CAST: variants seen among roughly 807,000 people sequenced by gnomAD.
CAST encodes the protein MIR583 host.
CAST carries 76 observed loss-of-function variants against 119.6 expected under a neutral mutation model. The ratio of observed to expected loss-of-function variants is 0.64; its 90% confidence interval spans 0.53 to 0.77. CAST has a LOEUF of 0.77. Among genes scored for constraint, CAST ranks in the 30% least tolerant of loss-of-function variants. The pLI, the probability that CAST is intolerant of heterozygous loss-of-function variation, is 0.00. For synonymous variants in CAST, 319 were observed against 331.6 expected (o/e 0.96, Z 0.41); for missense variants, 953 against 946.5 (o/e 1.01, Z -0.09).
the CAST span, among the ~76,000 whole-genome samples, chr5:96,368,343 T>C: frequency 6.6e-6 from 1 of 151,762 alleles, no homozygotes; most frequent in African/African-American, 2.4e-5. Flanking sequence ...CTACTAAAAA[T>C]ACAAAAATTA....
the CAST span, among the ~76,000 whole-genome samples, chr5:96,114,197 G>C: frequency 6.6e-6 from 1 of 152,224 alleles, no homozygotes; most frequent in Non-Finnish European, 1.5e-5. Flanking sequence ...AGACAAACAA[G>C]AGCAGGAGAG....
the CAST span, among the ~76,000 whole-genome samples, chr5:96,102,343 C>T: frequency 3.9e-5 from 6 of 152,042 alleles, no homozygotes; most frequent in South Asian, 6.2e-4. Flanking sequence ...GGCTCTTCTC[C>T]GAAGTTAAGC....
At chr5:96,501,740 C>T in the CAST span, among the ~76,000 whole-genome samples, 1 of 152,174 alleles carries the variant, frequency 6.6e-6, no homozygotes, top group East Asian at 1.9e-4. Context: ...TAAAACACTT[C>T]TTTTGGTATA....
the CAST span, among the ~76,000 whole-genome samples, chr5:96,167,014 G>A: frequency 6.6e-6 from 1 of 152,204 alleles, no homozygotes; most frequent in East Asian, 1.9e-4. Context: ...GCGATATTGT[G>A]GGGTTGTTGG....
chr5:96,725,416 T>C (rs1759074437), intron 4 of CAST, among the ~76,000 whole-genome samples: 1 of 152,218 alleles, frequency 6.6e-6, no homozygotes, highest in Non-Finnish European at 1.5e-5. Flanking sequence ...TGCAGTGCGA[T>C]GACTAGAACA....
chr5:96,144,421 C>T, the CAST span, among the ~76,000 whole-genome samples: 12 of 152,240 alleles, frequency 7.9e-5, no homozygotes. Context: ...CTTCCCAGAC[C>T]TGACTTGCTT....
At chr5:96,701,680 C>T (rs1753907475) in intron 3 of CAST, among the ~76,000 whole-genome samples, 1 of 151,812 alleles carries the variant, frequency 6.6e-6, no homozygotes, top group Non-Finnish European at 1.5e-5. Context: ...TGGTGCATGC[C>T]TGTAATCGCA....
the CAST span, among the ~76,000 whole-genome samples, chr5:96,104,242 C>G: frequency 7.9e-5 from 12 of 152,176 alleles, no homozygotes; most frequent in South Asian, 2.1e-4. Context: ...AGTTTAATTA[C>G]ATCCCATTTG....
chr5:96,027,250 A>G, the CAST span, among the ~76,000 whole-genome samples: 1 of 152,050 alleles, frequency 6.6e-6, no homozygotes, highest in Non-Finnish European at 1.5e-5. Context: ...TGTGGTATCA[A>G]CCCTTAATAT....
the CAST span, among the ~76,000 whole-genome samples, chr5:96,228,542 G>C: frequency 6.6e-6 from 1 of 152,122 alleles, no homozygotes; most frequent in Non-Finnish European, 1.5e-5. Context: ...GCAGTAAATT[G>C]TATTTGTCCC....
chr5:96,515,795 G>A, the CAST span, among the ~76,000 whole-genome samples: 7 of 151,964 alleles, frequency 4.6e-5, no homozygotes, highest in East Asian at 1.9e-4. Context: ...ACAAGTGTTC[G>A]ACTCGTACAC....
chr5:96,391,526 A>T, the CAST span: 1 of 152,240 alleles, frequency 6.6e-6, no homozygotes. Flanking sequence ...CATAATTATT[A>T]TTGTACAGAT....
chr5:96,097,604 A>C, the CAST span, among the ~76,000 whole-genome samples: 1 of 152,104 alleles, frequency 6.6e-6, no homozygotes, highest in East Asian at 1.9e-4. Flanking sequence ...TTCCTGTGTT[A>C]GTTTGCTAAG....
chr5:96,629,542 G>A (rs1176898039), intron 1 of CAST, among the ~76,000 whole-genome samples: 4 of 152,132 alleles, frequency 2.6e-5, no homozygotes, highest in Non-Finnish European at 4.4e-5. Flanking sequence ...CTCTGTCTCA[G>A]CATCTTCTTG....
intron 1 of CAST, among the ~76,000 whole-genome samples, chr5:96,610,611 G>T (rs886982825): frequency 5.3e-5 from 8 of 152,088 alleles, no homozygotes; most frequent in African/African-American, 1.7e-4. Flanking sequence ...GCTGGAACAA[G>T]ATAAGGATAT....
chr5:96,740,788 G>A lies in CAST; in HGVS notation c.918+5G>A, dbSNP rs368305123. ...GGGCCTCCTGCAGACTCTTCGGTGA[G>A]TTTACATACATGTCTTCTGATCTAA... On this transcript the variant is annotated splice_donor_5th_base_variant and intron_variant, in intron 13 of 31. Coordinates refer to ENST00000675179, the MANE Select transcript of CAST (RefSeq NM_001750.7). The A allele has an allele frequency of 1.9e-6, 3 of 1,561,556 alleles. No individual in the cohort carries two copies. Among genetic ancestry groups the A allele is most frequent in the African/African-American group, 1.3e-5 (1 of 74,126 alleles).
At chr5:96,515,589 G>T in the CAST span, among the ~76,000 whole-genome samples, 6 of 152,038 alleles carry the variant, frequency 3.9e-5, no homozygotes, top group African/African-American at 1.4e-4. Flanking sequence ...TAATATTTCT[G>T]TTTTCTCCTA....
At chr5:95,965,799 T>C in the CAST span, among the ~76,000 whole-genome samples, 1 of 152,234 alleles carries the variant, frequency 6.6e-6, no homozygotes, top group South Asian at 2.1e-4. Flanking sequence ...CAGATATTCA[T>C]AGAGAATAAA....
rs1581218570 is a variant in CAST, at chr5:96,741,817, A to G, written c.1098+237A>G. ...GTTGTCTCAGTCATCATCTAAGACC[A>G]TCTCACCATTATGATACACAGAAGG... On this transcript the variant is annotated intron_variant, in intron 15 of 31. Coordinates refer to ENST00000675179, the MANE Select transcript of CAST (RefSeq NM_001750.7). 7 of 433,006 alleles carry G rather than the reference A, an allele frequency of 1.6e-5. No homozygotes were observed. The East Asian group carries it at 2.9e-4, about 18-fold the overall frequency. The allele number at this position is 433,006 out of a possible 1,614,324, so 26.8% of individuals were successfully genotyped here.
Sources: gnomAD v4.1 joint callset for allele counts (sites outside exome capture counted in the v4.1 genomes callset) on GRCh38, gnomAD v4.1.1 for gene constraint, MANE v1.5 for transcripts, NCBI Gene and HGNC (gene_info 2026-07-23, HGNC 2026-07-21) for gene names.